The following PVT1 variants were observed in gnomAD, a reference collection of about 807,000 sequenced individuals.
The protein encoded by PVT1 is CXCR4/PVT1 fusion.
chr8:127,897,467 TAAGAAAGA>T (rs1216608928), intron 3 of PVT1, among the ~76,000 whole-genome samples: 2 of 118,778 alleles, frequency 1.7e-5, no homozygotes, highest in Non-Finnish European at 3.5e-5. Flanking sequence ...AGAAAGAAAG[TAAGAAAGA>T]AAGAGAGAAA....
chr8:127,979,465 T>C (rs1218141062), intron 3 of PVT1, among the ~76,000 whole-genome samples: 1 of 152,238 alleles, frequency 6.6e-6, no homozygotes, highest in African/African-American at 2.4e-5. Context: ...TATAAACCTT[T>C]GCGATGCAGG....
chr8:127,884,552 C>T (rs1815503828), intron 2 of PVT1, among the ~76,000 whole-genome samples: 1 of 152,198 alleles, frequency 6.6e-6, no homozygotes, highest in Non-Finnish European at 1.5e-5. Flanking sequence ...AGAACAGTTT[C>T]CCAAAGTGGT....
chr8:127,906,003 AT>A (rs1484979993), intron 3 of PVT1, among the ~76,000 whole-genome samples: 1 of 152,202 alleles, frequency 6.6e-6, no homozygotes. Flanking sequence ...AGTAAGATAC[AT>A]TTTGCACAAA....
chr8:128,065,197 TTTA>T lies in PVT1; in HGVS notation n.913-4960_913-4958del, dbSNP rs201147429. 2.7e-3 allele frequency among the ~76,000 whole-genome samples: 260 copies of T among 97,494 alleles called. 2 individuals carry two copies. In the Middle Eastern group the frequency reaches 0.078, roughly 29 times the overall value. The allele number at this position is 97,494 out of a possible 152,430, so 64.0% of individuals were successfully genotyped here. A position where few individuals can be genotyped will look rare whatever the true frequency, so the allele number is the denominator to read the frequency against. ...CTCAGAAGTCTCTTCTTTTTTATTT[TTTA>T]TTTTTTTTTGAGACACAATTTCACT... On this transcript the variant is annotated intron_variant and non_coding_transcript_variant, in intron 4 of 10. Coordinates refer to ENST00000651587, the Ensembl canonical transcript of PVT1.
At chr8:127,921,052 G>C (rs1816050624) in intron 3 of PVT1, among the ~76,000 whole-genome samples, 1 of 152,198 alleles carries the variant, frequency 6.6e-6, no homozygotes, top group Non-Finnish European at 1.5e-5. Context: ...TCAATGAAAT[G>C]ACAGTGGCAG....
chr8:127,816,430 G>A (rs1002081893), intron 2 of PVT1, among the ~76,000 whole-genome samples: 4 of 151,058 alleles, frequency 2.6e-5, no homozygotes, highest in African/African-American at 9.7e-5. Context: ...TTACAGGCGT[G>A]AGCCGCTATG....
intron 3 of PVT1, among the ~76,000 whole-genome samples, chr8:127,902,845 A>T (rs1182221319): frequency 6.6e-6 from 1 of 152,170 alleles, no homozygotes; most frequent in African/African-American, 2.4e-5. Context: ...ACTGACGGGC[A>T]TTTATGTTGA....
rs144600695 is a variant in PVT1 at position 127,882,005 on chromosome 8, G to T, written n.373-8584G>T. ...TCTGCCCGCCTCCACCTTCCAAAGT[G>T]CTAGGATTACAGGCATGAGCCGCTG... On this transcript the variant is annotated intron_variant and non_coding_transcript_variant, in intron 2 of 10. Transcript: ENST00000651587. Among the ~76,000 whole-genome samples the T allele has an allele frequency of 1.7e-4, 26 of 152,314 alleles. No individual in the cohort carries two copies. In the East Asian group the frequency reaches 5.0e-3, roughly 29 times the overall value.
rs185563248 is a variant in PVT1, at chr8:127,961,446, T to A, written n.783-27716T>A. On this transcript the variant is annotated intron_variant and non_coding_transcript_variant, in intron 3 of 10. Transcript: ENST00000651587. Reference sequence around the variant, plus strand: ...TGTCCAGCTTAGGCCACTGAATAGATTCGGTGCTGTGTGTTGTACTAGGAA... The same window carrying A: ...TGTCCAGCTTAGGCCACTGAATAGAATCGGTGCTGTGTGTTGTACTAGGAA... 6.6e-5 allele frequency among the ~76,000 whole-genome samples: 10 copies of A among 152,282 alleles called. No individual in the cohort carries two copies. In the East Asian group the frequency reaches 1.2e-3, roughly 18 times the overall value.
At chr8:127,818,886 ACT>A (rs60941498) in intron 2 of PVT1, among the ~76,000 whole-genome samples, 46,458 of 151,522 alleles carry the variant, frequency 0.31, 7,758 homozygotes, top group Admixed American at 0.38. Context: ...TCTCTCTCTC[ACT>A]CTGTTGCCTA....
intron 4 of PVT1, among the ~76,000 whole-genome samples, chr8:128,006,932 G>C (rs1253502917): frequency 1.3e-5 from 2 of 152,186 alleles, no homozygotes; most frequent in Non-Finnish European, 2.9e-5. Flanking sequence ...TCTAGGCTCA[G>C]TGTACACTTT....
intron 4 of PVT1, among the ~76,000 whole-genome samples, chr8:128,025,852 AG>A (rs1817486979): frequency 6.6e-6 from 1 of 152,176 alleles, no homozygotes; most frequent in South Asian, 2.1e-4. Flanking sequence ...GAGGCAACTG[AG>A]GCCAAGAGAG....
At chr8:127,887,939 T>TTTTG (rs1815546904) in intron 2 of PVT1, among the ~76,000 whole-genome samples, 1 of 124,832 alleles carries the variant, frequency 8.0e-6, no homozygotes, top group Non-Finnish European at 1.7e-5. Context: ...TTGTTTTTTT[T>TTTTG]TTTTTTTTTT....
intron 3 of PVT1, among the ~76,000 whole-genome samples, chr8:127,912,050 T>A (rs1489770272): frequency 1.3e-5 from 2 of 152,144 alleles, no homozygotes; most frequent in Non-Finnish European, 2.9e-5. Context: ...TGCCCTGAGT[T>A]AGGTGAGCCT....
At chr8:127,817,560 C>CAT (rs1260864615) in intron 2 of PVT1, among the ~76,000 whole-genome samples, 38 of 85,818 alleles carry the variant, frequency 4.4e-4, no homozygotes, top group African/African-American at 1.4e-3. Flanking sequence ...CACACACACA[C>CAT]ATATATATAT....
intron 2 of PVT1, among the ~76,000 whole-genome samples, chr8:127,856,499 G>A (rs886474304): frequency 2.6e-5 from 4 of 151,802 alleles, no homozygotes; most frequent in Non-Finnish European, 4.4e-5. Flanking sequence ...CTGCCACCAC[G>A]CCCAGCTAAT....
At chr8:128,087,019 C>G (rs563992323) in intron 5 of PVT1, among the ~76,000 whole-genome samples, 1 of 152,238 alleles carries the variant, frequency 6.6e-6, no homozygotes, top group Admixed American at 6.5e-5. Context: ...CATAATGCAG[C>G]GTCTTTGCTT....
At chr8:127,969,919 T>C (rs1816744283) in intron 3 of PVT1, among the ~76,000 whole-genome samples, 1 of 152,170 alleles carries the variant, frequency 6.6e-6, no homozygotes, top group South Asian at 2.1e-4. Context: ...AGCAGCGCTG[T>C]CCATCCAGTC....
chr8:128,032,384 T>C (rs1044910672), intron 4 of PVT1, among the ~76,000 whole-genome samples: 1 of 152,228 alleles, frequency 6.6e-6, no homozygotes, highest in Non-Finnish European at 1.5e-5. Flanking sequence ...GACAGGAAAC[T>C]TAGGCTGTTC....
Sources: allele counts gnomAD v4.1 joint callset (sites outside exome capture counted in the v4.1 genomes callset), GRCh38; gene constraint gnomAD v4.1.1; transcripts MANE v1.5; gene names NCBI Gene and HGNC (gene_info 2026-07-23, HGNC 2026-07-21).